Variants in TMEM117 observed in about 807,000 individuals in gnomAD.
TMEM117 encodes the protein transmembrane protein 117.
A neutral mutation model predicts 52.4 loss-of-function variants in TMEM117; 27 were observed. That is an observed-to-expected ratio of 0.51 (90% CI 0.38 to 0.71). The LOEUF is 0.71. Ranked by LOEUF, TMEM117 falls within the 30% of genes least tolerant of loss-of-function variation. The pLI is 0.00. For synonymous variants in TMEM117, 215 were observed against 206.3 expected (o/e 1.04, Z -0.36); for missense variants, 556 against 630.5 (o/e 0.88, Z 1.26).
rs34586739 is a variant in TMEM117 at position 44,348,268 on chromosome 12, GAA to G, written c.769-28316_769-28315del. 9.8e-3 allele frequency among the ~76,000 whole-genome samples: 1,436 copies of G among 146,306 alleles called. 21 individuals are homozygous for G. The highest frequency in any genetic ancestry group is 0.032 in the African/African-American group (1,273 of 39,884). On this transcript the variant is annotated intron_variant, in intron 6 of 7. Transcript: ENST00000266534. ...GACAAGGGCAATACTCTTTAAGAAT[GAA>G]AAAAAAAAAAGAGAGAGCTATAGAG...
intron 5 of TMEM117, among the ~76,000 whole-genome samples, chr12:44,289,447 A>C (rs992130177): frequency 3.3e-5 from 5 of 151,632 alleles, no homozygotes; most frequent in Non-Finnish European, 5.9e-5. Flanking sequence ...TTTTATTTTT[A>C]ATTTTTTGAA....
chr12:44,154,727 A>T (rs1948802461), intron 4 of TMEM117, among the ~76,000 whole-genome samples: 1 of 151,912 alleles, frequency 6.6e-6, no homozygotes, highest in Non-Finnish European at 1.5e-5. Flanking sequence ...AATTTAGCAA[A>T]GTGAACCAGT....
intron 5 of TMEM117, among the ~76,000 whole-genome samples, chr12:44,212,291 C>T (rs1160108213): frequency 6.6e-5 from 10 of 152,150 alleles, no homozygotes; most frequent in Non-Finnish European, 4.4e-5. Context: ...TCCATGCTGT[C>T]GATGCTACCT....
chr12:43,977,854 A>G (rs1040832391), intron 3 of TMEM117, among the ~76,000 whole-genome samples: 1 of 152,196 alleles, frequency 6.6e-6, no homozygotes, highest in Non-Finnish European at 1.5e-5. Context: ...GAAGATGTTT[A>G]ATAACATATT....
intron 3 of TMEM117, among the ~76,000 whole-genome samples, chr12:44,018,873 CCA>C (rs1946413394): frequency 6.6e-6 from 1 of 152,046 alleles, no homozygotes; most frequent in Non-Finnish European, 1.5e-5. Context: ...GCACACACCA[CCA>C]CACCTAGCTA....
rs1486568627 is a variant in TMEM117, at chr12:44,388,489, G to A, written c.1362G>A (p.Gln454=). 1 of 1,613,326 alleles carries A rather than the reference G, an allele frequency of 6.2e-7. No homozygotes were observed. Among genetic ancestry groups the A allele is most frequent in the Non-Finnish European group, 8.5e-7 (1 of 1,179,676 alleles). ...KDMGITRENT[Q]ASVEDPLNDP... ...TGGGAATCACTCGAGAAAACACCCA[G>A]GCTTCAGTAGAAGACCCCTTGAATG... The change falls in exon 8 of 8, where the codon CAG becomes CAA. Residue 454 remains glutamine, a synonymous_variant. Transcript: ENST00000266534.
intron 4 of TMEM117, among the ~76,000 whole-genome samples, chr12:44,183,939 A>G (rs1334419853): frequency 6.6e-6 from 1 of 152,162 alleles, no homozygotes; most frequent in Non-Finnish European, 1.5e-5. Flanking sequence ...TAGAATTCTA[A>G]ACATGTCCCC....
the TMEM117 span, among the ~76,000 whole-genome samples, chr12:43,808,362 A>G: frequency 1.3e-5 from 2 of 152,192 alleles, no homozygotes; most frequent in Non-Finnish European, 2.9e-5. Flanking sequence ...AAAGCACGTG[A>G]ATGACCCTGC....
At chr12:44,011,766 T>A (rs1946294400) in intron 3 of TMEM117, among the ~76,000 whole-genome samples, 1 of 152,200 alleles carries the variant, frequency 6.6e-6, no homozygotes. Context: ...TATACTGTAA[T>A]AAAAGTTATG....
At chr12:44,020,782 C>T (rs755155752) in intron 3 of TMEM117, among the ~76,000 whole-genome samples, 1 of 152,128 alleles carries the variant, frequency 6.6e-6, no homozygotes, top group Non-Finnish European at 1.5e-5. Flanking sequence ...ACAATCTACA[C>T]GTCATTTGGA....
At chr12:44,329,889 ATTTTG>A (rs1565721657) in intron 6 of TMEM117, among the ~76,000 whole-genome samples, 2 of 151,886 alleles carry the variant, frequency 1.3e-5, no homozygotes, top group African/African-American at 4.8e-5. Flanking sequence ...TATATACCGT[ATTTTG>A]TTTATCCATT....
intron 2 of TMEM117, among the ~76,000 whole-genome samples, chr12:43,920,585 A>G (rs73100931): frequency 2.7e-5 from 3 of 110,266 alleles, no homozygotes; most frequent in South Asian, 3.0e-4. Context: ...GGATCTCACT[A>G]TTTTGCCCAG....
At chr12:44,377,878 G>T (rs987947571) in intron 7 of TMEM117, among the ~76,000 whole-genome samples, 1 of 152,188 alleles carries the variant, frequency 6.6e-6, no homozygotes, top group African/African-American at 2.4e-5. Context: ...TAAGCATGAG[G>T]CGACCTTCCT....
chr12:44,128,122 A>G (rs1442379101), intron 3 of TMEM117, among the ~76,000 whole-genome samples: 1 of 152,230 alleles, frequency 6.6e-6, no homozygotes, highest in East Asian at 1.9e-4. Context: ...CTGCTGGGAC[A>G]TATCCTCTGC....
chr12:44,261,377 A>T (rs116124576), intron 5 of TMEM117, among the ~76,000 whole-genome samples: 2,877 of 152,332 alleles, frequency 0.019, 49 homozygotes, highest in African/African-American at 0.047. Flanking sequence ...CTGATTTAAA[A>T]TATCAAACTA....
At chr12:44,096,218 A>G (rs988284742) in intron 3 of TMEM117, among the ~76,000 whole-genome samples, 2 of 152,256 alleles carry the variant, frequency 1.3e-5, no homozygotes, top group Non-Finnish European at 2.9e-5. Context: ...AAAAGAGGAT[A>G]TAAACAAATG....
At position 44,090,839 on chromosome 12, in the gene TMEM117, G is replaced by GTTTTTTTTTTTTTTTTTTTTT. The variant is rs1264179472; in HGVS notation, c.411-52677_411-52676insTTTTTTTTTTTTTTTTTTTTT. ...CTAATTCTTAATCCTGTATTTATGT[G>GTTTTTTTTTTTTTTTTTTTTT]TTTTTTTTTGTTTTTTTTTTTTTTT... On this transcript the variant is annotated intron_variant, in intron 3 of 7. Coordinates refer to ENST00000266534, the MANE Select transcript of TMEM117 (RefSeq NM_032256.3). Among the ~76,000 whole-genome samples the GTTTTTTTTTTTTTTTTTTTTT allele has an allele frequency of 8.6e-5, 9 of 104,798 alleles. 2 individuals are homozygous for GTTTTTTTTTTTTTTTTTTTTT. Among genetic ancestry groups the GTTTTTTTTTTTTTTTTTTTTT allele is most frequent in the African/African-American group, 4.1e-4 (9 of 22,142 alleles). The allele number at this position is 104,798 out of a possible 152,430, so 68.8% of individuals were successfully genotyped here.
downstream of TMEM117, among the ~76,000 whole-genome samples, chr12:44,390,662 T>G (rs114602859): frequency 0.015 from 2,259 of 152,072 alleles, 60 homozygotes; most frequent in African/African-American, 0.048. Context: ...ATATTTAAAT[T>G]TTCATAAATT....
chr12:43,895,451 A>G (rs914892274), intron 2 of TMEM117, among the ~76,000 whole-genome samples: 8 of 152,192 alleles, frequency 5.3e-5, no homozygotes, highest in Admixed American at 2.0e-4. Flanking sequence ...TAGTGCAGCA[A>G]TGAACATATG....
Sources: allele counts gnomAD v4.1 joint callset (sites outside exome capture counted in the v4.1 genomes callset), GRCh38; gene constraint gnomAD v4.1.1; transcripts MANE v1.5; gene names NCBI Gene and HGNC (gene_info 2026-07-23, HGNC 2026-07-21).